Variants in SLU7 observed in about 807,000 individuals in gnomAD.
SLU7 encodes the protein pre-mRNA-splicing factor SLU7.
A neutral mutation model predicts 87.0 loss-of-function variants in SLU7; 60 were observed. That is an observed-to-expected ratio of 0.69 (90% CI 0.56 to 0.86). The LOEUF (loss-of-function observed/expected upper bound fraction) is 0.86. Ranked by LOEUF, SLU7 falls within the 40% of genes least tolerant of loss-of-function variation. The pLI is 0.00. For synonymous variants in SLU7, 197 were observed against 222.0 expected, an observed-to-expected ratio of 0.89 and a Z score of 1.00; for missense variants, 507 against 686.6, an observed-to-expected ratio of 0.74 and a Z score of 2.92.
chr5:160,402,314 T>TGTAGTA lies in SLU7; in HGVS notation c.*970_*971insTACTAC, dbSNP rs576549932. On this transcript the variant is annotated 3_prime_UTR_variant, in exon 16 of 16. Coordinates refer to ENST00000297151, the MANE Select transcript of SLU7 (RefSeq NM_006425.5). ...TCTACACCTAGACTTATGTCCAGAATGGTAAAAGACCTACTACTGATCAGT... is the reference window on the plus strand; with the variant it reads ...TCTACACCTAGACTTATGTCCAGAATGTAGTAGGTAAAAGACCTACTACTGATCAGT... The TGTAGTA allele has an allele frequency of 2.5e-4, 38 of 152,322 alleles. No homozygotes were observed. The highest frequency in any genetic ancestry group is 8.4e-4 in the African/African-American group (35 of 41,572). The allele number at this position is 152,322 out of a possible 1,614,324, so 9.4% of individuals were successfully genotyped here.
rs753511512 is a variant in SLU7, at chr5:160,405,849, G to A, written c.1287+619C>T. 4.6e-5 allele frequency among the ~76,000 whole-genome samples: 7 copies of A among 152,186 alleles called. No individual in the cohort carries two copies. In the East Asian group the frequency reaches 7.7e-4, roughly 17 times the overall value. ...TGGCCTAATCTGTTAAATGGTCACC[G>A]TCATGAAAATGAAGAGATACACTCT... On this transcript the variant is annotated intron_variant, in intron 12 of 15. Transcript: ENST00000297151.
intron 2 of SLU7, 118 bp from the exon 3 acceptor site, chr5:160,414,590 G>A: frequency 1.8e-6 from 1 of 548,724 alleles, no homozygotes; most frequent in Non-Finnish European, 3.1e-6. Context: ...GTGGTAGGGG[G>A]AAGAGAACAA....
Position 160,415,238 on chromosome 5 carries a change from T to G in SLU7, c.57A>C (p.Glu19Asp). Residue 19 changes from glutamate (E) to aspartate (D), a missense_variant, in exon 2 of 16, where the codon GAA (glutamate) becomes GAC (aspartate). Glu to Asp is a conservative substitution (Grantham distance 45). Around this residue, in one of 6 missense-constraint regions of SLU7, gnomAD observed 33 missense variants for 37.3 expected, o/e 0.88. Transcript: ENST00000297151. ...TCTTCTTTGGTTCTTCCAAACTCAT[T>G]TCTTTGGACCCCGATAGGGGTGCAG... is the stretch of plus-strand genomic sequence containing the variant. ...VNAAPLSGSK[E>D]MSLEEPKKMT... 6.2e-7 allele frequency: 1 copy of G among 1,610,808 alleles called. No individual in the cohort carries two copies. Among genetic ancestry groups the G allele is most frequent in the African/African-American group, 1.3e-5 (1 of 74,918 alleles).
chr5:160,414,112 T>C, intron 3 of SLU7, 133 bp from the exon 4 acceptor site: 1 of 683,732 alleles, frequency 1.5e-6, no homozygotes, highest in Non-Finnish European at 2.3e-6. Context: ...TCTCCACACA[T>C]TTATAAATGT....
At chr5:160,415,448 C>T in intron 1 of SLU7, 138 bp from the exon 2 acceptor site, 1 of 541,208 alleles carries the variant, frequency 1.8e-6, no homozygotes, top group Non-Finnish European at 3.0e-6. Flanking sequence ...AGGGTCTCTT[C>T]CCCCTCCTCA....
intron 8 of SLU7, 108 bp from the exon 9 acceptor site, chr5:160,408,176 A>G: frequency 1.8e-6 from 2 of 1,135,172 alleles, no homozygotes; most frequent in Non-Finnish European, 1.3e-6. Context: ...GTGTGTATAC[A>G]TTTCTGGGGT....
chr5:160,408,506 AT>A, intron 7 of SLU7, 46 bp from the exon 8 acceptor site: 1 of 1,568,342 alleles, frequency 6.4e-7, no homozygotes, highest in Non-Finnish European at 8.6e-7. Context: ...AGAAAGCAGC[AT>A]GTAGTTCTTT....
chr5:160,413,612 C>G lies in SLU7; in HGVS notation c.414G>C (p.Arg138Ser). ...HKKKDCFERP[R>S]RVGAKFTGTN... ...TACCTGTAAATTTGGCTCCAACTCG[C>G]CTAGGTCTCTAAAAACAGAGTAAGA... The change falls in exon 5 of 16, where the codon AGG (arginine) becomes AGC (serine). Residue 138 changes from arginine to serine, a missense_variant. Arg to Ser is a moderately radical substitution (Grantham distance 110, BLOSUM62 -1). This residue lies in a region of SLU7 where 155 missense variants were observed against 154.4 expected (regional missense o/e 1.00). Transcript: ENST00000297151. 1 of 1,609,428 alleles carries G rather than the reference C, an allele frequency of 6.2e-7. No individual in the cohort carries two copies. Among genetic ancestry groups the G allele is most frequent in the Non-Finnish European group, 8.5e-7 (1 of 1,178,774 alleles).
At chr5:160,412,379 ATTC>A in intron 6 of SLU7, 69 bp downstream of exon 6, 1 of 951,484 alleles carries the variant, frequency 1.1e-6, no homozygotes, top group Non-Finnish European at 1.7e-6. Context: ...TATAAAATGA[ATTC>A]TTGTTTCAAT....
Position 160,413,541 on chromosome 5 carries a change from T to A in SLU7, c.485A>T (p.Asp162Val). The A allele has an allele frequency of 6.2e-7, 1 of 1,614,022 alleles. No homozygotes were observed. The highest frequency in any genetic ancestry group is 8.5e-7 in the Non-Finnish European group (1 of 1,179,928). Residue 162 changes from aspartate to valine, a missense_variant, in exon 5 of 16, where the codon GAC becomes GTC. Coordinates refer to ENST00000297151, the MANE Select transcript of SLU7 (RefSeq NM_006425.5). ...DEHVQPQLMF[D>V]YDGKRDRWNG... ...CCACCGATCCCTCTTCCCATCATAGTCAAACATCAGTTGAGGCTGGACATG... is the reference window on the plus strand; with the variant it reads ...CCACCGATCCCTCTTCCCATCATAGACAAACATCAGTTGAGGCTGGACATG...
intron 1 of SLU7, among the ~76,000 whole-genome samples, chr5:160,417,452 A>C (rs1765503411): frequency 6.6e-6 from 1 of 152,204 alleles, no homozygotes; most frequent in South Asian, 2.1e-4. Flanking sequence ...AACTAATCAC[A>C]TTTCCAGTCT....
rs755108599 is a variant in SLU7 at position 160,407,693 on chromosome 5, C to A, written c.985+53G>T. The A allele has an allele frequency of 8.1e-6, 13 of 1,601,960 alleles. No homozygotes were observed. The highest frequency in any genetic ancestry group is 1.1e-5 in the Non-Finnish European group (13 of 1,174,390). ...TCTTGAAAACAAGCTTTAAACAATC[C>A]CAAACGTCTTATGAGCTGATATAAA... is the stretch of plus-strand genomic sequence containing the variant. On this transcript the variant is annotated intron_variant, in intron 10 of 15. Coordinates refer to ENST00000297151, the MANE Select transcript of SLU7 (RefSeq NM_006425.5). This position sits in a 1 kb window ranked among gnomAD's most constrained non-coding sequence, Gnocchi z 4.2.
chr5:160,413,737 A>G, intron 4 of SLU7, 117 bp from the exon 5 acceptor site: 1 of 1,068,380 alleles, frequency 9.4e-7, no homozygotes. Flanking sequence ...TTAGTCTTAC[A>G]GTAGAAAATT....
chr5:160,415,500 A>G (rs981676529), intron 1 of SLU7, among the ~76,000 whole-genome samples, 190 bp from the exon 2 acceptor site: 2 of 152,110 alleles, frequency 1.3e-5, no homozygotes, highest in African/African-American at 4.8e-5. Flanking sequence ...TCTCAACTCC[A>G]ATTTACAAAT....
chr5:160,410,619 C>G (rs1343573921), intron 6 of SLU7, among the ~76,000 whole-genome samples: 3 of 152,094 alleles, frequency 2.0e-5, no homozygotes, highest in Non-Finnish European at 4.4e-5. Flanking sequence ...TAGCCCCTTA[C>G]ATACATTAAG....
At chr5:160,404,991 G>C in intron 13 of SLU7, 40 bp downstream of exon 13, 1 of 1,551,924 alleles carries the variant, frequency 6.4e-7, no homozygotes, top group Non-Finnish European at 8.9e-7. Flanking sequence ...TAGGAGCTTC[G>C]GTTGTTTTAT....
In SLU7 at chr5:160,408,022, G is replaced by GT; in HGVS notation, c.865dup (p.Thr289AsnfsTer2). ...ATAAGGATTCTCTCTCATTGCTCTA[G>GT]TTTTTGGATCATAGTAGGCAGAATT... On this transcript the variant is annotated frameshift_variant, in exon 9 of 16. Transcript: ENST00000297151. LOFTEE classifies it high-confidence loss of function. 6.2e-7 allele frequency: 1 copy of GT among 1,613,142 alleles called. No individual in the cohort carries two copies.
At position 160,402,386 on chromosome 5, in the gene SLU7, C is replaced by T. The variant is rs1303949614; in HGVS notation, c.*899G>A. Reference sequence around the variant, plus strand: ...AAAATAGTTGTTTTCCATTCAAAGACTAACACATTTAGTCTACTCCAGAGG... The same window carrying T: ...AAAATAGTTGTTTTCCATTCAAAGATTAACACATTTAGTCTACTCCAGAGG... On this transcript the variant is annotated 3_prime_UTR_variant, in exon 16 of 16. Coordinates refer to ENST00000297151, the MANE Select transcript of SLU7 (RefSeq NM_006425.5). The T allele has an allele frequency of 3.3e-5, 5 of 152,110 alleles. No individual in the cohort carries two copies. The highest frequency in any genetic ancestry group is 6.5e-5 in the Admixed American group (1 of 15,268). 9.4% of individuals were successfully genotyped at this position (152,110 alleles called of 1,614,324 possible). A position where few individuals can be genotyped will look rare whatever the true frequency, so the allele number is the denominator to read the frequency against.
intron 7 of SLU7, 50 bp downstream of exon 7, chr5:160,408,600 C>A (rs1404370819): frequency 7.1e-7 from 1 of 1,414,648 alleles, no homozygotes; most frequent in South Asian, 1.2e-5. Context: ...TATTAGCCAT[C>A]AGAAATTTAA....
Sources: allele counts gnomAD v4.1 joint callset (sites outside exome capture counted in the v4.1 genomes callset), GRCh38; gene constraint gnomAD v4.1.1; regional missense constraint gnomAD v4.1.1; non-coding constraint Gnocchi (gnomAD v3.1); transcripts MANE v1.5; gene names NCBI Gene and HGNC (gene_info 2026-07-23, HGNC 2026-07-21).